TRPM7: variants seen among roughly 807,000 people sequenced by gnomAD.
TRPM7 encodes the protein LTRPC ion channel family member 7.
TRPM7 carries 134 observed loss-of-function variants against 229.7 expected under a neutral mutation model. The ratio of observed to expected loss-of-function variants is 0.58; its 90% confidence interval spans 0.51 to 0.67. The LOEUF is 0.67. TRPM7 is among the 30% of genes least tolerant of loss of function. The probability of loss-of-function intolerance (pLI) is 0.00; values close to 1 mark genes in which losing one functional copy is unlikely to be tolerated. For missense variants in TRPM7, 1,901 were observed against 2,210.0 expected (o/e 0.86, Z 2.80); for synonymous variants, 699 against 715.2 (o/e 0.98, Z 0.36).
intron 23 of TRPM7, 53 bp from the exon 24 acceptor site, chr15:50,594,666 G>T: frequency 3.3e-6 from 4 of 1,214,554 alleles, no homozygotes; most frequent in Non-Finnish European, 4.5e-6. Context: ...ATCTCTTAAA[G>T]TTTTAAATAC....
intron 1 of TRPM7, among the ~76,000 whole-genome samples, chr15:50,678,246 A>AAAAAAAAAC (rs1555435864): frequency 7.0e-6 from 1 of 142,504 alleles, no homozygotes; most frequent in African/African-American, 2.6e-5. Context: ...TCTCAAAAAA[A>AAAAAAAAAC]AAAAACAAAA....
At chr15:50,603,146 C>T (rs1470772794) in intron 21 of TRPM7, among the ~76,000 whole-genome samples, 1 of 151,998 alleles carries the variant, frequency 6.6e-6, no homozygotes, top group Non-Finnish European at 1.5e-5. Context: ...ACCAGTTATT[C>T]TCAATTAAGG....
chr15:50,665,978 G>A (rs1274402692), intron 1 of TRPM7, among the ~76,000 whole-genome samples: 1 of 151,722 alleles, frequency 6.6e-6, no homozygotes, highest in Non-Finnish European at 1.5e-5. Context: ...GGGCAACAGA[G>A]CGAGACTCTC....
chr15:50,623,279 G>A (rs890228719), intron 12 of TRPM7, among the ~76,000 whole-genome samples: 1 of 151,990 alleles, frequency 6.6e-6, no homozygotes, highest in Non-Finnish European at 1.5e-5. Flanking sequence ...GGGTGCAGTG[G>A]CACACGCCTG....
chr15:50,678,253 A>AAAC (rs2062144730), intron 1 of TRPM7, among the ~76,000 whole-genome samples: 1 of 126,992 alleles, frequency 7.9e-6, no homozygotes, highest in African/African-American at 3.1e-5. Flanking sequence ...AAAAAAAAAC[A>AAAC]AAAACAAAAA....
chr15:50,652,182 A>C (rs2061438670), intron 3 of TRPM7, among the ~76,000 whole-genome samples: 1 of 150,860 alleles, frequency 6.6e-6, no homozygotes, highest in Admixed American at 6.6e-5. Context: ...AAAATACAAA[A>C]CTTCACCGGG....
chr15:50,623,395 A>G (rs1268593118), intron 12 of TRPM7, among the ~76,000 whole-genome samples: 3 of 148,924 alleles, frequency 2.0e-5, no homozygotes, highest in Non-Finnish European at 3.0e-5. Flanking sequence ...CTGGTGACAG[A>G]GCGAGATTCT....
At chr15:50,634,114 T>C (rs2060815932) in intron 8 of TRPM7, among the ~76,000 whole-genome samples, 1 of 150,282 alleles carries the variant, frequency 6.7e-6, no homozygotes, top group Non-Finnish European at 1.5e-5. Flanking sequence ...AGGTCAGGAG[T>C]TCAAGACTAG....
chr15:50,604,090 A>G (rs2059854132), intron 21 of TRPM7: 1 of 152,192 alleles, frequency 6.6e-6, no homozygotes, highest in African/African-American at 2.4e-5. Context: ...TGAAAACTAA[A>G]AGGAATTACG....
chr15:50,565,000 C>CT lies in TRPM7; in HGVS notation c.5468-3193dup, dbSNP rs879742406. Among the ~76,000 whole-genome samples, 935 of 144,938 alleles carry CT rather than the reference C, an allele frequency of 6.5e-3. 7 individuals are homozygous for CT. The highest frequency in any genetic ancestry group is 0.035 in the East Asian group (175 of 5,040). On this transcript the variant is annotated intron_variant, in intron 38 of 38. Transcript: ENST00000646667. The stretch of plus-strand genomic sequence containing the variant: ...AAAATGAAGGATCTGGGCCAGATTG[C>CT]TTTTTTTTTTTGAGATGGAGTCTCA...
chr15:50,628,335 G>A (rs1386062503), intron 10 of TRPM7, 86 bp from the exon 11 acceptor site: 2 of 878,820 alleles, frequency 2.3e-6, no homozygotes, highest in Non-Finnish European at 3.6e-6. Context: ...TAAGAGATGG[G>A]GTCTTGGTCT....
chr15:50,630,926 T>G (rs2060712193), intron 10 of TRPM7, among the ~76,000 whole-genome samples: 1 of 151,918 alleles, frequency 6.6e-6, no homozygotes, highest in African/African-American at 2.4e-5. Flanking sequence ...GCCTCAACTT[T>G]CCAGGATCAG....
At chr15:50,628,311 A>T in intron 10 of TRPM7, 62 bp from the exon 11 acceptor site, 6 of 1,237,102 alleles carry the variant, frequency 4.9e-6, no homozygotes, top group South Asian at 2.7e-5. Context: ...AAAGGTGAAC[A>T]CTTTTTTTTT....
chr15:50,674,900 G>A (rs2062061708), intron 1 of TRPM7, among the ~76,000 whole-genome samples: 1 of 152,034 alleles, frequency 6.6e-6, no homozygotes, highest in Admixed American at 6.6e-5. Flanking sequence ...CCAAGAGCTG[G>A]AAACCAGAGT....
chr15:50,590,510 C>G (rs2059459361), intron 26 of TRPM7, among the ~76,000 whole-genome samples: 1 of 152,132 alleles, frequency 6.6e-6, no homozygotes, highest in African/African-American at 2.4e-5. Context: ...ACTGAACATG[C>G]TGATACTTAC....
chr15:50,612,950 A>G (rs2060103232), intron 15 of TRPM7, 121 bp from the exon 16 acceptor site: 3 of 774,302 alleles, frequency 3.9e-6, no homozygotes, highest in African/African-American at 1.8e-5. Context: ...ACAATAGCAT[A>G]AATTTTATAA....
At chr15:50,637,614 G>T (rs1401917747) in intron 6 of TRPM7, 21 bp from the exon 7 acceptor site, 2 of 1,601,486 alleles carry the variant, frequency 1.2e-6, no homozygotes, top group Middle Eastern at 1.7e-4. Flanking sequence ...GCAAACAAAA[G>T]AGTTAGTGAG....
chr15:50,573,528 C>T (rs1309608935), intron 36 of TRPM7, among the ~76,000 whole-genome samples: 1 of 152,074 alleles, frequency 6.6e-6, no homozygotes, highest in Non-Finnish European at 1.5e-5. Context: ...TATGTCCCAT[C>T]CAAATTTCTG....
intron 1 of TRPM7, among the ~76,000 whole-genome samples, chr15:50,684,536 G>A (rs1340069883): frequency 6.6e-6 from 1 of 152,032 alleles, no homozygotes; most frequent in Admixed American, 6.6e-5. Flanking sequence ...AGCTACTCGG[G>A]AGGCTGAGGC....
Sources: allele counts gnomAD v4.1 joint callset (sites outside exome capture counted in the v4.1 genomes callset), GRCh38; gene constraint gnomAD v4.1.1; transcripts MANE v1.5; gene names NCBI Gene and HGNC (gene_info 2026-07-23, HGNC 2026-07-21).